The following TG variants were observed in gnomAD, a reference collection of about 807,000 sequenced individuals.
TG encodes thyroglobulin, also known as thyroid hormones.
In TG, 270 loss-of-function variants were observed where a neutral mutation model predicts 324.7. The observed-to-expected ratio is 0.83, with a 90% CI of 0.75 to 0.92. The LOEUF is 0.92. Among genes scored for constraint, TG ranks in the 40% least tolerant of loss-of-function variants. The pLI is 0.00. For synonymous variants in TG, 1,401 were observed against 1,327.0 expected, an observed-to-expected ratio of 1.06 and a Z score of -1.21; for missense variants, 3,591 against 3,456.4, an observed-to-expected ratio of 1.04 and a Z score of -0.98.
At chr8:133,053,886 T>C (rs976682065) in intron 41 of TG, among the ~76,000 whole-genome samples, 2 of 152,202 alleles carry the variant, frequency 1.3e-5, no homozygotes, top group African/African-American at 2.4e-5. Context: ...GAGGAAACTT[T>C]ACATCTGGGC....
At chr8:133,089,402 G>A (rs1847143690) in intron 41 of TG, among the ~76,000 whole-genome samples, 1 of 152,138 alleles carries the variant, frequency 6.6e-6, no homozygotes, top group Admixed American at 6.5e-5. Context: ...TTTCAGCACT[G>A]AGAATGCAAA....
chr8:132,987,086 A>G (rs1831660905), intron 35 of TG, among the ~76,000 whole-genome samples: 2 of 152,048 alleles, frequency 1.3e-5, no homozygotes, highest in African/African-American at 4.8e-5. Context: ...TGGAGCATGG[A>G]GCATGTCCTT....
chr8:133,008,068 T>A (rs1212176358), intron 35 of TG, among the ~76,000 whole-genome samples: 4 of 152,242 alleles, frequency 2.6e-5, no homozygotes, highest in African/African-American at 9.6e-5. Context: ...TATAATGGAA[T>A]AATATCATAT....
At chr8:133,081,143 G>A (rs912537981) in intron 41 of TG, among the ~76,000 whole-genome samples, 1 of 152,234 alleles carries the variant, frequency 6.6e-6, no homozygotes, top group Non-Finnish European at 1.5e-5. Context: ...CTGGTCTAGC[G>A]CAAGGCGCAT....
At chr8:133,091,121 A>C (rs1847445880) in intron 41 of TG, among the ~76,000 whole-genome samples, 1 of 152,206 alleles carries the variant, frequency 6.6e-6, no homozygotes, top group South Asian at 2.1e-4. Flanking sequence ...GCCCACATTC[A>C]ATGCCAGGCA....
rs556483066 is a variant in TG at position 132,966,462 on chromosome 8, C to G, written c.5549-98C>G. On this transcript the variant is annotated intron_variant, in intron 29 of 47. Coordinates refer to ENST00000220616, the MANE Select transcript of TG (RefSeq NM_003235.5). ...TCTGACACTTTCTCTCTCTGTCTCTCTCTCTGTGTGTGTGTGTGTGTGTGT... is the reference window on the plus strand; with the variant it reads ...TCTGACACTTTCTCTCTCTGTCTCTGTCTCTGTGTGTGTGTGTGTGTGTGT... 1.7e-5 allele frequency: 23 copies of G among 1,362,512 alleles called. No individual in the cohort carries two copies. The Admixed American group carries it at 3.3e-4, about 19-fold the overall frequency. 84.4% of individuals were successfully genotyped at this position (1,362,512 alleles called of 1,614,324 possible). A position where few individuals can be genotyped will look rare whatever the true frequency, so the allele number is the denominator to read the frequency against.
intron 16 of TG, among the ~76,000 whole-genome samples, chr8:132,904,581 A>G (rs1169217859): frequency 6.6e-6 from 1 of 152,124 alleles, no homozygotes; most frequent in African/African-American, 2.4e-5. Flanking sequence ...TTTCAGTGAC[A>G]TGGGGAATAA....
intron 35 of TG, chr8:133,002,969 C>A: frequency 2.0e-6 from 2 of 1,019,226 alleles, no homozygotes; most frequent in Non-Finnish European, 2.4e-6. Context: ...ACCATATCAC[C>A]TTTCTTACAG....
At position 132,871,571 on chromosome 8, in the gene TG, T is replaced by C. The variant is rs377626097; in HGVS notation, c.478+20T>C. 55 of 1,610,370 alleles carry C rather than the reference T, an allele frequency of 3.4e-5. No homozygotes were observed. The highest frequency in any genetic ancestry group is 4.4e-5 in the Non-Finnish European group (52 of 1,177,222). ...AGCGATGTGAGTTTCACTGAGCGCC[T>C]GCACCCCTAGAGCTGGGGAGGGGCT... is the stretch of plus-strand genomic sequence containing the variant. On this transcript the variant is annotated intron_variant, in intron 4 of 47. Coordinates refer to ENST00000220616, the MANE Select transcript of TG (RefSeq NM_003235.5).
chr8:133,044,907 C>T lies in TG; in HGVS notation c.7239+14884C>T, dbSNP rs1839017629. On this transcript the variant is annotated intron_variant, in intron 41 of 47. Transcript: ENST00000220616. The stretch of plus-strand genomic sequence containing the variant: ...CAGTAAGCAAGACCCCTCTGCATTC[C>T]AGACGGATGGCGCCACAGAGCAATT... 2.7e-6 allele frequency: 4 copies of T among 1,482,804 alleles called. No individual in the cohort carries two copies. The South Asian group carries it at 3.5e-5, about 13-fold the overall frequency. 91.9% of individuals were successfully genotyped at this position (1,482,804 alleles called of 1,614,324 possible).
At chr8:132,917,253 G>T (rs1351849878) in intron 20 of TG, among the ~76,000 whole-genome samples, 1 of 152,070 alleles carries the variant, frequency 6.6e-6, no homozygotes, top group Non-Finnish European at 1.5e-5. Flanking sequence ...CTGTGAAGAA[G>T]CCTGTTACAT....
intron 19 of TG, 57 bp from the exon 20 acceptor site, chr8:132,912,990 C>T (rs1489712218): frequency 1.9e-6 from 3 of 1,544,038 alleles, no homozygotes; most frequent in East Asian, 2.3e-5. Flanking sequence ...GCTTAATCCT[C>T]CCTGGCCCTA....
In TG at chr8:132,881,983, C is replaced by T. The variant is rs780077145; in HGVS notation, c.745+14C>T. 7 of 1,545,806 alleles carry T rather than the reference C, an allele frequency of 4.5e-6. No individual in the cohort carries two copies. The highest frequency in any genetic ancestry group is 5.4e-6 in the Non-Finnish European group (6 of 1,117,758). On this transcript the variant is annotated intron_variant, in intron 6 of 47. Coordinates refer to ENST00000220616, the MANE Select transcript of TG (RefSeq NM_003235.5). ...TGGCTGAGACAGGTGAGTGATACCC[C>T]TCAGGTGATCTGAAGGGAGGGAGTG...
chr8:133,099,266 T>C (rs1210097167), intron 43 of TG, among the ~76,000 whole-genome samples: 1 of 152,224 alleles, frequency 6.6e-6, no homozygotes, highest in African/African-American at 2.4e-5. Context: ...GTTCATTGGT[T>C]AGACCGTTCG....
At position 132,876,413 on chromosome 8, in the gene TG, G is replaced by A. The variant is rs114378311; in HGVS notation, c.638+3192G>A. 3.6e-3 allele frequency among the ~76,000 whole-genome samples: 549 copies of A among 152,294 alleles called. 3 individuals are homozygous for A. Among genetic ancestry groups the A allele is most frequent in the African/African-American group, 0.012 (519 of 41,554 alleles). On this transcript the variant is annotated intron_variant, in intron 5 of 47. Transcript: ENST00000220616. ...GGAAAAGCCACAAGCTTTGTTTTGG[G>A]ATGTTGAATCTAAGGGGATTTTTTT... is the stretch of plus-strand genomic sequence containing the variant.
intron 41 of TG, among the ~76,000 whole-genome samples, chr8:133,068,828 G>GC (rs1315743470): frequency 6.6e-6 from 1 of 152,242 alleles, no homozygotes; most frequent in Non-Finnish European, 1.5e-5. Context: ...GTACACAGAG[G>GC]CCCCCAACAC....
In TG at chr8:133,047,981, C is replaced by G. The variant is rs371194857; in HGVS notation, c.7239+17958C>G. On this transcript the variant is annotated intron_variant, in intron 41 of 47. Coordinates refer to ENST00000220616, the MANE Select transcript of TG (RefSeq NM_003235.5). ...TTAGGATCCGGAACAAGCCCTCCCC[C>G]AGGAAAGGCAGGAATGCGCCACCCA... is the stretch of plus-strand genomic sequence containing the variant. 386 of 1,138,636 alleles carry G rather than the reference C, an allele frequency of 3.4e-4. No homozygotes were observed. In the African/African-American group the frequency reaches 5.2e-3, roughly 15 times the overall value. 70.5% of individuals were successfully genotyped at this position (1,138,636 alleles called of 1,614,324 possible). A position where few individuals can be genotyped will look rare whatever the true frequency, so the allele number is the denominator to read the frequency against.
intron 41 of TG, among the ~76,000 whole-genome samples, chr8:133,082,349 C>T (rs147630164): frequency 2.4e-4 from 36 of 152,184 alleles, no homozygotes; most frequent in Middle Eastern, 3.4e-3. Context: ...ACTGGAAAGA[C>T]GGAGGAAAAG....
At chr8:132,947,912 A>G (rs2130062921) in intron 26 of TG, among the ~76,000 whole-genome samples, 1 of 152,338 alleles carries the variant, frequency 6.6e-6, no homozygotes, top group South Asian at 2.1e-4. Flanking sequence ...TCACTATCAA[A>G]TTCGATTACC....
Sources: gnomAD v4.1 joint callset for allele counts (sites outside exome capture counted in the v4.1 genomes callset) on GRCh38, gnomAD v4.1.1 for gene constraint, MANE v1.5 for transcripts, NCBI Gene and HGNC (gene_info 2026-07-23, HGNC 2026-07-21) for gene names.